The following RASGRF1 variants were observed in gnomAD, a reference collection of about 807,000 sequenced individuals.
RASGRF1 encodes the protein ras-specific guanine nucleotide-releasing factor 1.
In RASGRF1, 40 loss-of-function variants were observed where a neutral mutation model predicts 138.7. That is an observed-to-expected ratio of 0.29 (90% confidence interval 0.22 to 0.38). RASGRF1 has a LOEUF of 0.38. Ranked by LOEUF, RASGRF1 falls within the 10% of genes least tolerant of loss-of-function variation. The pLI is 1.00. For synonymous variants in RASGRF1, 614 were observed against 663.2 expected, an observed-to-expected ratio of 0.93 and a Z score of 1.14; for missense variants, 1,108 against 1,650.4, an observed-to-expected ratio of 0.67 and a Z score of 5.69.
chr15:79,049,233 C>T (rs565995660), intron 4 of RASGRF1, among the ~76,000 whole-genome samples: 130 of 152,046 alleles, frequency 8.6e-4, no homozygotes, highest in Non-Finnish European at 1.0e-3. Context: ...CCTGGCTTTC[C>T]CCACTCCTTC....
At chr15:79,084,898 G>A (rs985983019) in intron 1 of RASGRF1, among the ~76,000 whole-genome samples, 2 of 152,110 alleles carry the variant, frequency 1.3e-5, no homozygotes, top group Non-Finnish European at 2.9e-5. Context: ...GGGATGGCAG[G>A]TCTTGCCAAT....
chr15:78,990,390 C>G, intron 21 of RASGRF1, 117 bp from the exon 22 acceptor site: 2 of 690,584 alleles, frequency 2.9e-6, no homozygotes, highest in Middle Eastern at 3.6e-4. Flanking sequence ...TCTGGGGGAA[C>G]AACCTTCTGC....
intron 22 of RASGRF1, chr15:78,985,884 T>C (rs7167721): frequency 0.31 from 43,634 of 139,132 alleles, 6,906 homozygotes; most frequent in African/African-American, 0.42. Flanking sequence ...AAGATTGCGC[T>C]GCTGCACTCC....
At chr15:78,965,199 T>C (rs2055619831) in intron 26 of RASGRF1, among the ~76,000 whole-genome samples, 1 of 152,100 alleles carries the variant, frequency 6.6e-6, no homozygotes, top group South Asian at 2.1e-4. Flanking sequence ...TGAGTATCAT[T>C]TTACTTAAAA....
chr15:78,991,887 C>G, intron 20 of RASGRF1, 93 bp from the exon 21 acceptor site: 2 of 975,572 alleles, frequency 2.1e-6, no homozygotes, highest in African/African-American at 1.6e-5. Flanking sequence ...ATCTCGCCCT[C>G]GAATTGGGTG....
intron 1 of RASGRF1, among the ~76,000 whole-genome samples, chr15:79,065,078 G>A (rs1048565283): frequency 1.3e-5 from 2 of 152,224 alleles, no homozygotes; most frequent in Non-Finnish European, 2.9e-5. Flanking sequence ...GGAAGCAGAA[G>A]AGCCAGACAA....
chr15:79,027,657 T>C lies in RASGRF1; in HGVS notation c.1381+84A>G, dbSNP rs1391972412. On this transcript the variant is annotated intron_variant, in intron 9 of 26. Transcript: ENST00000558480. The surrounding 1 kb of genome is among the most constrained non-coding windows in gnomAD (Gnocchi z 4.8). ...CTTGGCATGTGGCAGCCAAACCAAC[T>C]GGTGGCGTCCCCGAGTGCCGCCTCC... The C allele has an allele frequency of 7.9e-7, 1 of 1,270,898 alleles. No individual in the cohort carries two copies. Among genetic ancestry groups the C allele is most frequent in the East Asian group, 2.3e-5 (1 of 42,880 alleles). 78.7% of individuals were successfully genotyped at this position (1,270,898 alleles called of 1,614,324 possible). A position where few individuals can be genotyped will look rare whatever the true frequency, so the allele number is the denominator to read the frequency against.
intron 1 of RASGRF1, among the ~76,000 whole-genome samples, chr15:79,065,382 G>A (rs1350116198): frequency 6.6e-6 from 1 of 152,020 alleles, no homozygotes; most frequent in Non-Finnish European, 1.5e-5. Context: ...TTGGGAGGGG[G>A]AGGGGGCTGT....
chr15:79,012,541 C>T (rs2056816526), intron 13 of RASGRF1: 1 of 1,613,992 alleles, frequency 6.2e-7, no homozygotes, highest in Admixed American at 1.7e-5. Context: ...TGAAGAAAAC[C>T]AGGCTTTAGA....
chr15:78,980,498 G>C, intron 24 of RASGRF1, 122 bp downstream of exon 24: 1 of 707,700 alleles, frequency 1.4e-6, no homozygotes, highest in South Asian at 2.2e-5. Flanking sequence ...GGGTCTTGTG[G>C]GTAGACAGAC....
At chr15:79,053,187 C>T (rs927852340) in intron 3 of RASGRF1, among the ~76,000 whole-genome samples, 3 of 152,094 alleles carry the variant, frequency 2.0e-5, no homozygotes, top group Non-Finnish European at 4.4e-5. Flanking sequence ...ATTGCTTGAA[C>T]CTGGGAGGCA....
intron 1 of RASGRF1, among the ~76,000 whole-genome samples, chr15:79,082,733 GCTC>G (rs1373241698): frequency 6.6e-6 from 1 of 152,222 alleles, no homozygotes; most frequent in Non-Finnish European, 1.5e-5. Context: ...GATGAAGAAA[GCTC>G]CTGCAGCAAT....
rs943047590 is a variant in RASGRF1, at chr15:79,090,653, C to T, written c.-155G>A. ...CAAATATCTACACTCCAGGATCTGG[C>T]GCCGAGCCGCGGCTTCTTGAATCCA... On this transcript the variant is annotated 5_prime_UTR_variant, in exon 1 of 27. Transcript: ENST00000558480. The T allele has an allele frequency of 4.8e-6, 5 of 1,048,344 alleles. No homozygotes were observed. Among genetic ancestry groups the T allele is most frequent in the African/African-American group, 3.2e-5 (2 of 62,110 alleles). The allele number at this position is 1,048,344 out of a possible 1,614,324, so 64.9% of individuals were successfully genotyped here.
At chr15:79,009,851 A>C (rs2141739567) in intron 13 of RASGRF1, among the ~76,000 whole-genome samples, 1 of 151,398 alleles carries the variant, frequency 6.6e-6, no homozygotes, top group East Asian at 2.0e-4. Flanking sequence ...CAGCCTCCTG[A>C]GTAGCTGGGA....
At chr15:79,015,299 T>C in intron 13 of RASGRF1, 28 bp downstream of exon 13, 1 of 1,587,974 alleles carries the variant, frequency 6.3e-7, no homozygotes, top group South Asian at 1.1e-5. Flanking sequence ...GAATGCTGCC[T>C]GGTCAAGATG....
chr15:79,031,540 G>C, intron 7 of RASGRF1, 31 bp from the exon 8 acceptor site: 10 of 1,522,116 alleles, frequency 6.6e-6, no homozygotes, highest in Non-Finnish European at 9.1e-6. Context: ...TGAGGGTGGA[G>C]AAAGAGCCAG....
At position 79,015,475 on chromosome 15, in the gene RASGRF1, T is replaced by G. The variant is rs1028764910; in HGVS notation, c.1744-66A>C. 3.6e-5 allele frequency: 51 copies of G among 1,420,802 alleles called. No individual in the cohort carries two copies. The East Asian group carries it at 1.0e-3, about 29-fold the overall frequency. 88.0% of individuals were successfully genotyped at this position (1,420,802 alleles called of 1,614,324 possible). A position where few individuals can be genotyped will look rare whatever the true frequency, so the allele number is the denominator to read the frequency against. On this transcript the variant is annotated intron_variant, in intron 12 of 26. Transcript: ENST00000558480. ...TCCTGGACCCAGGCCCACCAGGAGC[T>G]CTGCCAACTGTAAAGTTCACATGCC...
intron 24 of RASGRF1, chr15:78,979,300 G>T: frequency 1.2e-6 from 1 of 839,294 alleles, no homozygotes; most frequent in South Asian, 1.9e-5. Context: ...ACGCAAAGAG[G>T]AGGCAGACGA....
At chr15:78,967,786 T>C (rs185678787) in intron 26 of RASGRF1, among the ~76,000 whole-genome samples, 1 of 152,342 alleles carries the variant, frequency 6.6e-6, no homozygotes, top group African/African-American at 2.4e-5. Context: ...GTATAATCCT[T>C]TTTCTGAGGG....
Sources: allele counts gnomAD v4.1 joint callset (sites outside exome capture counted in the v4.1 genomes callset), GRCh38; gene constraint gnomAD v4.1.1; non-coding constraint Gnocchi (gnomAD v3.1); transcripts MANE v1.5; gene names NCBI Gene and HGNC (gene_info 2026-07-23, HGNC 2026-07-21).